Variants in KRT14 observed in about 807,000 individuals in gnomAD.
KRT14 encodes keratin, type I cytoskeletal 14.
Under a neutral mutation model 44.5 loss-of-function variants are expected in KRT14, and 30 were observed. The ratio of observed to expected loss-of-function variants is 0.67; its 90% CI spans 0.50 to 0.92. KRT14 has a LOEUF of 0.92. KRT14 is among the 40% of genes least tolerant of loss of function. The pLI is 0.00. For synonymous variants in KRT14, 241 were observed against 257.6 expected, an observed-to-expected ratio of 0.94 and a Z score of 0.62; for missense variants, 535 against 640.6, an observed-to-expected ratio of 0.84 and a Z score of 1.78.
intron 1 of KRT14, 28 bp downstream of exon 1, chr17:41,586,282 T>G: frequency 6.2e-7 from 1 of 1,611,874 alleles, no homozygotes; most frequent in Non-Finnish European, 8.5e-7. Context: ...CTAGCTGGAA[T>G]GGTGCCTTCT....
intron 2 of KRT14, 92 bp from the exon 3 acceptor site, chr17:41,584,505 G>C (rs2144584103): frequency 1.4e-6 from 2 of 1,457,120 alleles, no homozygotes; most frequent in East Asian, 4.6e-5. Context: ...CCCAGAGCTG[G>C]TGCCTTGTGG....
chr17:41,586,755 C>G lies in KRT14; in HGVS notation c.80G>C (p.Gly27Ala), dbSNP rs1159632697. The stretch of plus-strand genomic sequence containing the variant: ...CAGGACGGAGGAGATGCGGCTGGAG[C>G]CGCCCCCGATGCCGCCCCCGATGCC... ...SCGIGGGIGG[G>A]SSRISSVLAG... Residue 27 changes from glycine (G) to alanine (A), a missense_variant, in exon 1 of 8, where the codon GGC (glycine) becomes GCC (alanine). Transcript: ENST00000167586. 2.2e-5 allele frequency: 35 copies of G among 1,579,962 alleles called. No homozygotes were observed. The highest frequency in any genetic ancestry group is 2.3e-4 in the Middle Eastern group (1 of 4,422).
At position 41,582,417 on chromosome 17, in the gene KRT14, G is replaced by C. The variant is rs201609091; in HGVS notation, c.*18C>G. The C allele has an allele frequency of 2.7e-4, 420 of 1,548,846 alleles. 2 individuals are homozygous for C. The African/African-American group carries it at 5.2e-3, about 19-fold the overall frequency. Reference sequence around the variant, plus strand: ...TCCACACGGGGGGCCTCCTAGGCCTGAGCGGGGCTGGGCAGCCTCAGTTCT... The same window carrying C: ...TCCACACGGGGGGCCTCCTAGGCCTCAGCGGGGCTGGGCAGCCTCAGTTCT... On this transcript the variant is annotated 3_prime_UTR_variant, in exon 8 of 8. Coordinates refer to ENST00000167586, the MANE Select transcript of KRT14 (RefSeq NM_000526.5).
intron 2 of KRT14, 83 bp downstream of exon 2, chr17:41,584,892 G>T: frequency 9.9e-7 from 1 of 1,012,480 alleles, no homozygotes; most frequent in Non-Finnish European, 1.6e-6. Context: ...CCTGGTACTG[G>T]CTAGTTCTAT....
chr17:41,585,118 G>A (rs770695775), intron 1 of KRT14, 61 bp from the exon 2 acceptor site: 5 of 1,240,706 alleles, frequency 4.0e-6, no homozygotes, highest in East Asian at 2.3e-5. Context: ...GGACTTCACT[G>A]TAGCCTACAT....
At chr17:41,586,178 A>G in intron 1 of KRT14, 132 bp downstream of exon 1, 1 of 1,192,542 alleles carries the variant, frequency 8.4e-7, no homozygotes, top group Non-Finnish European at 1.2e-6. Context: ...TAGGGCATCC[A>G]AGACCTCGAA....
Position 41,583,678 on chromosome 17 carries a change from T to C in KRT14, c.928-2A>G. 6.2e-7 allele frequency: 1 copy of C among 1,614,170 alleles called. No individual in the cohort carries two copies. Among genetic ancestry groups the C allele is most frequent in the Non-Finnish European group, 8.5e-7 (1 of 1,180,030 alleles). On this transcript the variant is annotated splice_acceptor_variant, in intron 4 of 7. Coordinates refer to ENST00000167586, the MANE Select transcript of KRT14 (RefSeq NM_000526.5). LOFTEE classifies it high-confidence loss of function. ...CACCTCGCGGTTCAGCTCCTCTGTCTGCAAAAAAGAGAATGCCATTCACAC... is the reference window on the plus strand; with the variant it reads ...CACCTCGCGGTTCAGCTCCTCTGTCCGCAAAAAAGAGAATGCCATTCACAC...
Position 41,585,024 on chromosome 17 carries a change from G to A in KRT14, c.559C>T (p.Leu187Phe), listed in dbSNP as rs1298559785. The change falls in exon 2 of 8, where the codon CTT (leucine) becomes TTT (phenylalanine). Residue 187 changes from leucine (L) to phenylalanine (F), a missense_variant. Physicochemically the swap from Leu to Phe is conservative, Grantham distance 22. Coordinates refer to ENST00000167586, the MANE Select transcript of KRT14 (RefSeq NM_000526.5). ...AGACGGGCATTGTCAATCTGCAGAA[G>A]GACATTGGCATTGTCCACTGTGGCT... ...LTATVDNANVLLQIDNARLAA... is the reference protein window; with the variant it reads ...LTATVDNANVFLQIDNARLAA... 2 of 1,614,126 alleles carry A rather than the reference G, an allele frequency of 1.2e-6. No homozygotes were observed. Among genetic ancestry groups the A allele is most frequent in the Admixed American group, 3.3e-5 (2 of 60,032 alleles).
chr17:41,583,481 C>T (rs534381744), intron 5 of KRT14, 26 bp from the exon 6 acceptor site: 57 of 1,614,144 alleles, frequency 3.5e-5, no homozygotes, highest in East Asian at 3.3e-4. Flanking sequence ...AGGGAATCAA[C>T]GATTAGTGAG....
intron 7 of KRT14, 156 bp from the exon 8 acceptor site, chr17:41,582,688 T>C: frequency 2.9e-6 from 2 of 679,522 alleles, no homozygotes; most frequent in Non-Finnish European, 5.4e-6. Flanking sequence ...CAAGCACTGA[T>C]ACCATCAACA....
chr17:41,583,971 A>C, intron 3 of KRT14, 50 bp from the exon 4 acceptor site: 1 of 1,470,020 alleles, frequency 6.8e-7, no homozygotes, highest in Non-Finnish European at 9.2e-7. Context: ...ATGGCAGCGG[A>C]TTGGTGTTCC....
At chr17:41,582,629 CT>C in intron 7 of KRT14, 97 bp from the exon 8 acceptor site, 5 of 938,868 alleles carry the variant, frequency 5.3e-6, no homozygotes, top group Non-Finnish European at 8.5e-6. Flanking sequence ...CTCAAACTGG[CT>C]CCCCATTGCC....
rs1907402393 is a variant in KRT14, at chr17:41,583,311, T to G, written c.1198A>C (p.Ile400Leu). ...EMEQQNQEYK[I>L]LLDVKTRLEQ... ...AGCCGCGTCTTCACGTCCAGCAGGA[T>G]CTTGTACTCCTGGTTCTGCTGCTCC... Residue 400 changes from isoleucine (I) to leucine (L), a missense_variant, in exon 6 of 8, where the codon ATC becomes CTC. Physicochemically the swap from Ile to Leu is conservative, Grantham distance 5. Transcript: ENST00000167586. 1 of 1,613,544 alleles carries G rather than the reference T, an allele frequency of 6.2e-7. No homozygotes were observed. Among genetic ancestry groups the G allele is most frequent in the Non-Finnish European group, 8.5e-7 (1 of 1,179,980 alleles).
At chr17:41,585,138 G>A in intron 1 of KRT14, 81 bp from the exon 2 acceptor site, 3 of 1,093,332 alleles carry the variant, frequency 2.7e-6, no homozygotes, top group South Asian at 1.3e-5. Flanking sequence ...TTAAGCTCTT[G>A]CTTCATGTTC....
At chr17:41,585,844 C>T (rs1320009084) in intron 1 of KRT14, among the ~76,000 whole-genome samples, 1 of 152,234 alleles carries the variant, frequency 6.6e-6, no homozygotes, top group Non-Finnish European at 1.5e-5. Flanking sequence ...GGCTTATGGG[C>T]GGCGGCAGCC....
chr17:41,584,192 G>C (rs1907446804), intron 3 of KRT14, 65 bp downstream of exon 3: 1 of 1,515,606 alleles, frequency 6.6e-7, no homozygotes, highest in Admixed American at 1.7e-5. Context: ...GGGACTATGG[G>C]CACGCACCAC....
At chr17:41,586,224 A>G (rs1907518588) in intron 1 of KRT14, 86 bp downstream of exon 1, 2 of 1,548,728 alleles carry the variant, frequency 1.3e-6, no homozygotes, top group Non-Finnish European at 1.8e-6. Flanking sequence ...CCTATAGAGA[A>G]ATCTTAAGGT....
chr17:41,582,965 G>A (rs1373891162), intron 7 of KRT14, 129 bp downstream of exon 7: 13 of 912,176 alleles, frequency 1.4e-5, no homozygotes, highest in South Asian at 1.0e-4. Context: ...CACCCAAGGA[G>A]GTTCACAAGG....
Position 41,586,647 on chromosome 17 carries a change from C to T in KRT14, c.188G>A (p.Cys63Tyr), listed in dbSNP as rs6503640. Reference protein sequence around the residue: ...SSSRFSSGGACGLGGGYGGGF... With the variant: ...SSSRFSSGGAYGLGGGYGGGF... ...ACCGCCATAGCCGCCCCCCAGCCCG[C>T]AGGCTCCCCCAGAGGAGAAGCGGGA... The change falls in exon 1 of 8, where the codon TGC (cysteine) becomes TAC (tyrosine). Residue 63 changes from cysteine to tyrosine, a missense_variant. Physicochemically the swap from Cys to Tyr is radical, Grantham distance 194. Transcript: ENST00000167586. 1,604,581 of 1,606,186 alleles carry T rather than the reference C, an allele frequency of 1. 801,509 individuals are homozygous for T. Among genetic ancestry groups the T allele is most frequent in the East Asian group, 1 (44,524 of 44,524 alleles).
Sources: gnomAD v4.1 joint callset for allele counts (sites outside exome capture counted in the v4.1 genomes callset) on GRCh38, gnomAD v4.1.1 for gene constraint, MANE v1.5 for transcripts, NCBI Gene and HGNC (gene_info 2026-07-23, HGNC 2026-07-21) for gene names.